The following NOM1 variants were observed in gnomAD, a reference collection of about 807,000 sequenced individuals.
NOM1 encodes the protein nucleolar MIF4G domain-containing protein 1.
NOM1 carries 58 observed loss-of-function variants against 73.3 expected under a neutral mutation model. The ratio of observed to expected loss-of-function variants is 0.79; its 90% CI spans 0.64 to 0.99. The LOEUF (loss-of-function observed/expected upper bound fraction) is 0.99. Ranked by LOEUF, NOM1 falls within the 50% of genes least tolerant of loss-of-function variation. NOM1 has a pLI of 0.00. For synonymous variants in NOM1, 487 were observed against 446.8 expected (o/e 1.09, Z -1.14); for missense variants, 1,226 against 1,131.9 (o/e 1.08, Z -1.19).
intron 7 of NOM1, among the ~76,000 whole-genome samples, chr7:156,964,627 G>A (rs1438975515): frequency 6.6e-6 from 1 of 152,086 alleles, no homozygotes; most frequent in Non-Finnish European, 1.5e-5. Flanking sequence ...AGTTTTATGA[G>A]GTACTTCTAA....
At chr7:156,957,402 T>C (rs546720060) in intron 3 of NOM1, among the ~76,000 whole-genome samples, 1 of 152,356 alleles carries the variant, frequency 6.6e-6, no homozygotes. Flanking sequence ...TTAAATGTTA[T>C]GCTGTTATAT....
rs763991067 is a variant in NOM1, at chr7:156,959,891, A to G, written c.1349A>G (p.Asp450Gly). The G allele has an allele frequency of 1.9e-6, 3 of 1,614,210 alleles. No homozygotes were observed. The highest frequency in any genetic ancestry group is 1.7e-6 in the Non-Finnish European group (2 of 1,180,040). The change falls in exon 4 of 11, where the codon GAT becomes GGT. Residue 450 changes from aspartate to glycine, a missense_variant. Asp to Gly is a moderately conservative substitution (Grantham distance 94). Transcript: ENST00000275820. ...CTGGAGGCAGTGGTGAGGAAGTTCG[A>G]TGCCATCTATAAATACGGAAGCGAA... Reference protein sequence around the residue: ...HFLEAVVRKFDAIYKYGSEGK... With the variant: ...HFLEAVVRKFGAIYKYGSEGK...
chr7:156,950,499 C>T lies in NOM1; in HGVS notation c.762C>T (p.Asp254=), dbSNP rs746926718. Residue 254 remains aspartate, a synonymous_variant, in exon 1 of 11, where the codon GAC becomes GAT. Coordinates refer to ENST00000275820, the MANE Select transcript of NOM1 (RefSeq NM_138400.2). The part of the protein sequence containing the change: ...QTLPESDLES[D]SQDESEEEEE... Reference sequence around the variant, plus strand: ...TCCCCGAAAGTGACTTAGAGAGTGACTCCCAGGACGAAAGTGAGGAGGAGG... The same window carrying T: ...TCCCCGAAAGTGACTTAGAGAGTGATTCCCAGGACGAAAGTGAGGAGGAGG... 6.2e-7 allele frequency: 1 copy of T among 1,613,810 alleles called. No individual in the cohort carries two copies. Among genetic ancestry groups the T allele is most frequent in the East Asian group, 2.2e-5 (1 of 44,868 alleles).
At chr7:156,963,708 T>C in intron 6 of NOM1, 197 bp from the exon 7 acceptor site, 1 of 511,968 alleles carries the variant, frequency 2.0e-6, no homozygotes, top group East Asian at 3.3e-5. Context: ...CACATGAGTG[T>C]TTTCTCCCCC....
chr7:156,961,113 G>T (rs1184888189), intron 4 of NOM1, among the ~76,000 whole-genome samples: 2 of 152,172 alleles, frequency 1.3e-5, no homozygotes, highest in African/African-American at 4.8e-5. Context: ...CATGGAAATG[G>T]GTGGACTTGC....
intron 2 of NOM1, among the ~76,000 whole-genome samples, chr7:156,953,416 C>T (rs1223853791): frequency 1.3e-5 from 2 of 152,320 alleles, no homozygotes; most frequent in East Asian, 3.9e-4. Context: ...GCATGAGTCA[C>T]CGCACCGGGG....
chr7:156,953,193 G>A (rs56371062), intron 2 of NOM1, among the ~76,000 whole-genome samples: 28,833 of 151,986 alleles, frequency 0.19, 2,909 homozygotes, highest in East Asian at 0.29. Context: ...GCGCTATCTC[G>A]GCTCACTGCA....
chr7:156,967,705 A>G (rs557567708), intron 9 of NOM1, among the ~76,000 whole-genome samples: 34 of 152,142 alleles, frequency 2.2e-4, no homozygotes, highest in African/African-American at 8.2e-4. Context: ...TTGTATTTTT[A>G]ATAGAGACGG....
intron 7 of NOM1, 128 bp downstream of exon 7, chr7:156,964,154 C>A: frequency 1.1e-6 from 1 of 892,104 alleles, no homozygotes; most frequent in Non-Finnish European, 1.7e-6. Context: ...TTCTCATGAC[C>A]ATCCGCTCAC....
At position 156,963,974 on chromosome 7, in the gene NOM1, T is replaced by C. The variant is rs372415851; in HGVS notation, c.1981T>C (p.Cys661Arg). 5.6e-6 allele frequency: 9 copies of C among 1,613,984 alleles called. No homozygotes were observed. Among genetic ancestry groups the C allele is most frequent in the Non-Finnish European group, 7.6e-6 (9 of 1,179,952 alleles). Residue 661 changes from cysteine to arginine, a missense_variant, in exon 7 of 11, where the codon TGC becomes CGC. Coordinates refer to ENST00000275820, the MANE Select transcript of NOM1 (RefSeq NM_138400.2). ...MNTDIRRNIF[C>R]TIMTSEDFLD... is the part of the protein sequence containing the mutation. ...CACAGACATCCGGAGAAACATATTCTGCACAATAATGACAAGTGAAGATTT... is the reference window on the plus strand; with the variant it reads ...CACAGACATCCGGAGAAACATATTCCGCACAATAATGACAAGTGAAGATTT...
At position 156,965,420 on chromosome 7, in the gene NOM1, C is replaced by G. The variant is rs28427553; in HGVS notation, c.2034-850C>G. ...GCCACCTTGCCCTGAATCTGTGTGA[C>G]AGAGGCAGAGTCAAAACTAGAGGGA... On this transcript the variant is annotated intron_variant, in intron 7 of 10. Transcript: ENST00000275820. Among the ~76,000 whole-genome samples the G allele has an allele frequency of 3.2e-3, 491 of 152,314 alleles. 4 individuals are homozygous for G. Among genetic ancestry groups the G allele is most frequent in the South Asian group, 9.5e-3 (46 of 4,834 alleles).
chr7:156,950,089 G>T lies in NOM1; in HGVS notation c.352G>T (p.Glu118Ter). Reference protein sequence around the residue: ...PGLGGRSGAEEASGHRQDTEE... With the variant: ...PGLGGRSGAE ...CCTGGGAGGCCGAAGCGGAGCCGAA[G>T]AAGCCAGCGGTCACCGGCAGGACAC... Residue 118 changes from glutamate (E) to a stop codon, truncating the protein, a stop_gained, in exon 1 of 11, where the codon GAA (glutamate) becomes TAA (stop). Transcript: ENST00000275820. LOFTEE classifies it high-confidence loss of function. 2 of 1,546,560 alleles carry T rather than the reference G, an allele frequency of 1.3e-6. No homozygotes were observed. Among genetic ancestry groups the T allele is most frequent in the Non-Finnish European group, 8.7e-7 (1 of 1,148,028 alleles).
At chr7:156,969,258 T>C (rs1805081094) in intron 10 of NOM1, 62 bp downstream of exon 10, 4 of 990,470 alleles carry the variant, frequency 4.0e-6, no homozygotes, top group Non-Finnish European at 6.5e-6. Context: ...TTTTCACTTG[T>C]GTTGATTTAC....
chr7:156,962,358 G>A (rs73506029), intron 5 of NOM1, 97 bp downstream of exon 5: 46,803 of 971,448 alleles, frequency 0.048, 1,347 homozygotes, highest in South Asian at 0.091. Context: ...TGCACGTCAG[G>A]GTGGTGTCTG....
At chr7:156,962,328 A>C in intron 5 of NOM1, 67 bp downstream of exon 5, 1 of 1,290,630 alleles carries the variant, frequency 7.7e-7, no homozygotes, top group Non-Finnish European at 1.1e-6. Flanking sequence ...CTGTCATGAA[A>C]ATCAAGAAAT....
At chr7:156,960,593 C>G (rs1388824587) in intron 4 of NOM1, among the ~76,000 whole-genome samples, 1 of 152,050 alleles carries the variant, frequency 6.6e-6, no homozygotes, top group Non-Finnish European at 1.5e-5. Flanking sequence ...ACCGCGTGTT[C>G]CTGGGAAGCC....
intron 7 of NOM1, among the ~76,000 whole-genome samples, chr7:156,964,759 T>C (rs10274639): frequency 0.81 from 122,494 of 152,042 alleles, 49,439 homozygotes; most frequent in Admixed American, 0.87. Flanking sequence ...GAGTTTCTAG[T>C]TGGAGTGGAA....
At chr7:156,954,049 T>G (rs917796923) in intron 2 of NOM1, 54 bp from the exon 3 acceptor site, 99 of 1,501,456 alleles carry the variant, frequency 6.6e-5, no homozygotes, top group Non-Finnish European at 4.7e-5. Flanking sequence ...AAAATTGAAC[T>G]GAAAATTCCT....
chr7:156,955,102 C>T (rs1804688762), intron 3 of NOM1, among the ~76,000 whole-genome samples: 1 of 152,156 alleles, frequency 6.6e-6, no homozygotes, highest in South Asian at 2.1e-4. Flanking sequence ...GAACAGTGTA[C>T]AGAAAGCATC....
Sources: gnomAD v4.1 joint callset for allele counts (sites outside exome capture counted in the v4.1 genomes callset) on GRCh38, gnomAD v4.1.1 for gene constraint, MANE v1.5 for transcripts, NCBI Gene and HGNC (gene_info 2026-07-23, HGNC 2026-07-21) for gene names.